CTNNA1: variants seen among roughly 807,000 people sequenced by gnomAD.
CTNNA1 encodes catenin alpha-1.
Under a neutral mutation model 98.4 loss-of-function variants are expected in CTNNA1, and 37 were observed. The observed-to-expected ratio is 0.38, with a 90% CI of 0.29 to 0.49. The LOEUF (loss-of-function observed/expected upper bound fraction) is 0.49. Among genes scored for constraint, CTNNA1 ranks in the 20% least tolerant of loss-of-function variants. CTNNA1 has a pLI of 0.95. For missense variants in CTNNA1, 761 were observed against 1,147.2 expected, an observed-to-expected ratio of 0.66 and a Z score of 4.86; for synonymous variants, 404 against 413.2, an observed-to-expected ratio of 0.98 and a Z score of 0.27.
intron 1 of CTNNA1, among the ~76,000 whole-genome samples, chr5:138,779,725 T>C (rs1580965344): frequency 6.6e-6 from 1 of 151,166 alleles, no homozygotes; most frequent in East Asian, 1.9e-4. Flanking sequence ...TTGTTTTTGT[T>C]TTTTTTTTGA....
At chr5:138,842,627 TTTG>T (rs1360567193) in intron 7 of CTNNA1, among the ~76,000 whole-genome samples, 1 of 152,164 alleles carries the variant, frequency 6.6e-6, no homozygotes, top group African/African-American at 2.4e-5. Context: ...TTGCAAATTT[TTTG>T]TTGTGGAAAA....
chr5:138,892,585 G>A (rs1256056010), intron 9 of CTNNA1, among the ~76,000 whole-genome samples: 2 of 151,568 alleles, frequency 1.3e-5, no homozygotes, highest in African/African-American at 4.8e-5. Flanking sequence ...CAAGTGATTC[G>A]CCCGCCTCGG....
chr5:138,788,048 A>G (rs772026689), intron 3 of CTNNA1, among the ~76,000 whole-genome samples: 2 of 152,206 alleles, frequency 1.3e-5, no homozygotes. Flanking sequence ...AGAGGTGTAC[A>G]TATGCCTCTT....
intron 7 of CTNNA1, chr5:138,880,432 CCCAGA>C (rs1341920648): frequency 1.3e-5 from 2 of 152,676 alleles, no homozygotes; most frequent in Non-Finnish European, 2.9e-5. Context: ...AGCCACCATG[CCCAGA>C]CCATCTTGAA....
chr5:138,823,487 T>C (rs1228352965), intron 5 of CTNNA1, among the ~76,000 whole-genome samples: 1 of 152,202 alleles, frequency 6.6e-6, no homozygotes, highest in Non-Finnish European at 1.5e-5. Flanking sequence ...GCGAACTGTT[T>C]AATGTACTGT....
chr5:138,873,182 A>G lies in CTNNA1; in HGVS notation c.1063-13030A>G, dbSNP rs1188178991. 1 of 1,613,908 alleles carries G rather than the reference A, an allele frequency of 6.2e-7. No homozygotes were observed. The highest frequency in any genetic ancestry group is 8.5e-7 in the Non-Finnish European group (1 of 1,179,900). ...TCGGAGCTGCCTGTGGTTCTGAACC[A>G]TTGAGCACTGCCTAATTCTTCTTAA... On this transcript the variant is annotated intron_variant, in intron 7 of 17. Coordinates refer to ENST00000302763, the MANE Select transcript of CTNNA1 (RefSeq NM_001903.5). This position sits in a 1 kb window ranked among gnomAD's most constrained non-coding sequence, Gnocchi z 6.1.
chr5:138,828,734 A>G (rs1010058020), intron 7 of CTNNA1, among the ~76,000 whole-genome samples: 5 of 152,186 alleles, frequency 3.3e-5, no homozygotes, highest in Non-Finnish European at 5.9e-5. Flanking sequence ...GTGATGGTAA[A>G]TCATGGTGGA....
intron 7 of CTNNA1, among the ~76,000 whole-genome samples, chr5:138,834,940 TAGG>T (rs1376641387): frequency 6.6e-6 from 1 of 152,070 alleles, no homozygotes; most frequent in Non-Finnish European, 1.5e-5. Flanking sequence ...GCAGTGGAGT[TAGG>T]AGCAATTTTT....
chr5:138,904,240 G>T, intron 9 of CTNNA1, 109 bp from the exon 10 acceptor site: 2 of 1,342,004 alleles, frequency 1.5e-6, no homozygotes, highest in South Asian at 1.7e-5. Context: ...AGGCACCCTT[G>T]GTGCCCTTGT....
intron 11 of CTNNA1, among the ~76,000 whole-genome samples, chr5:138,919,361 G>A (rs1165423594): frequency 6.6e-6 from 1 of 152,180 alleles, no homozygotes; most frequent in Non-Finnish European, 1.5e-5. Context: ...TTTGAGATTA[G>A]GTTGGGTATG....
chr5:138,898,005 C>T (rs923197282), intron 9 of CTNNA1, among the ~76,000 whole-genome samples: 4 of 152,136 alleles, frequency 2.6e-5, no homozygotes, highest in Admixed American at 1.3e-4. Context: ...GTATTTGTCC[C>T]TGCCCAAATC....
chr5:138,797,062 T>G (rs903425187), intron 3 of CTNNA1, among the ~76,000 whole-genome samples: 1 of 152,230 alleles, frequency 6.6e-6, no homozygotes, highest in African/African-American at 2.4e-5. Context: ...TAGCTGACTT[T>G]ATAAGCTTTT....
chr5:138,844,723 A>G (rs1369512587), intron 7 of CTNNA1, among the ~76,000 whole-genome samples: 1 of 152,216 alleles, frequency 6.6e-6, no homozygotes, highest in Non-Finnish European at 1.5e-5. Context: ...ATTTTAAAAA[A>G]TTACCTATTA....
At chr5:138,817,855 A>G (rs1433627146) in intron 5 of CTNNA1, among the ~76,000 whole-genome samples, 5 of 151,794 alleles carry the variant, frequency 3.3e-5, no homozygotes, top group Admixed American at 3.3e-4. Context: ...ATTTTATTGT[A>G]TCTCTTTGAG....
At chr5:138,882,332 A>G (rs544531320) in intron 7 of CTNNA1, among the ~76,000 whole-genome samples, 6 of 152,320 alleles carry the variant, frequency 3.9e-5, no homozygotes, top group African/African-American at 1.4e-4. Flanking sequence ...GCATGTCTGA[A>G]GAACAAAAAT....
At chr5:138,851,523 C>T (rs1763180873) in intron 7 of CTNNA1, among the ~76,000 whole-genome samples, 2 of 150,334 alleles carry the variant, frequency 1.3e-5, no homozygotes, top group Admixed American at 6.6e-5. Flanking sequence ...TTTGGGAGGC[C>T]GAGGGGGGCA....
chr5:138,822,851 C>T (rs1242709943), intron 5 of CTNNA1, among the ~76,000 whole-genome samples: 1 of 152,158 alleles, frequency 6.6e-6, no homozygotes, highest in East Asian at 1.9e-4. Flanking sequence ...TAAATATATA[C>T]TGAGATGAAG....
In CTNNA1 at chr5:138,929,019, A is replaced by C. The variant is rs1447072968; in HGVS notation, c.1900-227A>C. Among the ~76,000 whole-genome samples, 3 of 152,198 alleles carry C rather than the reference A, an allele frequency of 2.0e-5. No individual in the cohort carries two copies. The South Asian group carries it at 6.2e-4, about 32-fold the overall frequency. ...GCAATTGAGCCCCACACACAGTGAAACCAGCCCAGGCCTGCTGTGGGCCAG... is the reference window on the plus strand; with the variant it reads ...GCAATTGAGCCCCACACACAGTGAACCCAGCCCAGGCCTGCTGTGGGCCAG... On this transcript the variant is annotated intron_variant, in intron 13 of 17. Transcript: ENST00000302763.
At chr5:138,849,864 G>A (rs1763038214) in intron 7 of CTNNA1, among the ~76,000 whole-genome samples, 1 of 151,762 alleles carries the variant, frequency 6.6e-6, no homozygotes, top group Admixed American at 6.6e-5. Flanking sequence ...GCATTTACAT[G>A]GCTTAAAGGG....
Sources: gnomAD v4.1 joint callset for allele counts (sites outside exome capture counted in the v4.1 genomes callset) on GRCh38, gnomAD v4.1.1 for gene constraint, Gnocchi (gnomAD v3.1) non-coding constraint, MANE v1.5 for transcripts, NCBI Gene and HGNC (gene_info 2026-07-23, HGNC 2026-07-21) for gene names.